Variants in TMTC1 observed in about 807,000 individuals in gnomAD.
TMTC1 encodes protein O-mannosyl-transferase TMTC1.
In TMTC1, 73 loss-of-function variants were observed where a neutral mutation model predicts 104.8. That is an observed-to-expected ratio of 0.70 (90% confidence interval 0.58 to 0.85). TMTC1 has a LOEUF of 0.85. Ranked by LOEUF, TMTC1 falls within the 40% of genes least tolerant of loss-of-function variation. The pLI is 0.00. For missense variants in TMTC1, 1,035 were observed against 1,096.1 expected (o/e 0.94, Z 0.79); for synonymous variants, 434 against 428.7 (o/e 1.01, Z -0.15).
chr12:29,553,658 AT>A (rs1244009993), intron 10 of TMTC1, among the ~76,000 whole-genome samples: 3 of 152,208 alleles, frequency 2.0e-5, no homozygotes, highest in Admixed American at 6.5e-5. Flanking sequence ...TCAAGAATTG[AT>A]TTTTACTGAA....
At chr12:29,620,574 G>C (rs1442827551) in intron 6 of TMTC1, among the ~76,000 whole-genome samples, 3 of 152,194 alleles carry the variant, frequency 2.0e-5, no homozygotes, top group Non-Finnish European at 4.4e-5. Flanking sequence ...ATGTGGGAAG[G>C]TCAGTACAAT....
intron 5 of TMTC1, among the ~76,000 whole-genome samples, chr12:29,664,691 C>A (rs565472559): frequency 6.6e-6 from 1 of 152,318 alleles, no homozygotes; most frequent in Non-Finnish European, 1.5e-5. Context: ...ATTATAATTT[C>A]TTTCTTCTAA....
chr12:29,618,694 T>C (rs1947053723), intron 6 of TMTC1, among the ~76,000 whole-genome samples: 1 of 152,126 alleles, frequency 6.6e-6, no homozygotes, highest in African/African-American at 2.4e-5. Flanking sequence ...CAGTCTCCTC[T>C]GTGTTTCCAG....
intron 5 of TMTC1, among the ~76,000 whole-genome samples, chr12:29,749,452 C>T (rs1943036362): frequency 6.6e-6 from 1 of 152,156 alleles, no homozygotes; most frequent in Non-Finnish European, 1.5e-5. Flanking sequence ...CTATGAGACA[C>T]CCTGGCATGA....
chr12:29,763,026 A>T (rs1050775954), intron 2 of TMTC1, among the ~76,000 whole-genome samples: 1 of 152,214 alleles, frequency 6.6e-6, no homozygotes. Context: ...ATCACAGCAC[A>T]ACTGATGTAG....
At chr12:29,623,557 G>A (rs778156177) in intron 6 of TMTC1, among the ~76,000 whole-genome samples, 25 of 152,234 alleles carry the variant, frequency 1.6e-4, no homozygotes, top group Non-Finnish European at 3.1e-4. Context: ...GCTCATGCCT[G>A]TAATCCCAAC....
At chr12:29,776,699 A>G (rs1943716013) in intron 1 of TMTC1, among the ~76,000 whole-genome samples, 1 of 149,944 alleles carries the variant, frequency 6.7e-6, no homozygotes, top group Non-Finnish European at 1.5e-5. Flanking sequence ...GGTAAAACTC[A>G]ACAAAGCAGG....
At chr12:29,689,542 C>T (rs528819948) in intron 5 of TMTC1, among the ~76,000 whole-genome samples, 4 of 152,192 alleles carry the variant, frequency 2.6e-5, no homozygotes, top group East Asian at 1.9e-4. Flanking sequence ...CTCGAACTCC[C>T]GACCTCGTGA....
chr12:29,627,867 G>A (rs1043914190), intron 6 of TMTC1, among the ~76,000 whole-genome samples: 2 of 152,130 alleles, frequency 1.3e-5, no homozygotes, highest in Non-Finnish European at 1.5e-5. Context: ...AGATCACTTT[G>A]ACCTTCTTGT....
At chr12:29,542,776 T>C (rs556863322) in intron 10 of TMTC1, among the ~76,000 whole-genome samples, 2 of 152,206 alleles carry the variant, frequency 1.3e-5, no homozygotes, top group Non-Finnish European at 2.9e-5. Context: ...CACTGGCTGG[T>C]TAATTTGCCC....
chr12:29,604,162 C>A lies in TMTC1; in HGVS notation c.1250+16G>T, dbSNP rs776650770. The A allele has an allele frequency of 9.3e-6, 15 of 1,612,734 alleles. No homozygotes were observed. In the South Asian group the frequency reaches 1.5e-4, roughly 17 times the overall value. On this transcript the variant is annotated intron_variant, in intron 7 of 17. Transcript: ENST00000539277. ...GAGGGCAGGTCTTGTAGGAGGAAGT[C>A]ACGTGCAATAGTTACCTAGGCATGT...
rs770695787 is a variant in TMTC1 at position 29,767,917 on chromosome 12, T to G, written c.461A>C (p.His154Pro). 1 of 1,613,796 alleles carries G rather than the reference T, an allele frequency of 6.2e-7. No homozygotes were observed. The highest frequency in any genetic ancestry group is 8.5e-7 in the Non-Finnish European group (1 of 1,179,846). Residue 154 changes from histidine (H) to proline (P), a missense_variant, in exon 2 of 18, where the codon CAT (histidine) becomes CCT (proline). His to Pro is a moderately conservative substitution (Grantham distance 77). Transcript: ENST00000539277. Reference protein sequence around the residue: ...AFVTALLFAVHPIHTEAVAGI... With the variant: ...AFVTALLFAVPPIHTEAVAGI... ...ACTTACCGCCTCAGTATGAATAGGA[T>G]GTACAGCAAAAAGCAATGCCGTTAC...
intron 6 of TMTC1, among the ~76,000 whole-genome samples, chr12:29,624,458 A>G (rs1446573045): frequency 2.0e-5 from 3 of 152,214 alleles, no homozygotes; most frequent in Non-Finnish European, 2.9e-5. Context: ...TATCACACAC[A>G]GTATCGCACA....
intron 6 of TMTC1, among the ~76,000 whole-genome samples, chr12:29,627,028 G>C (rs1374799073): frequency 6.6e-6 from 1 of 152,132 alleles, no homozygotes; most frequent in Non-Finnish European, 1.5e-5. Context: ...CTTGAGCCCG[G>C]GAGGCGGAGT....
At chr12:29,620,278 C>T (rs543577013) in intron 6 of TMTC1, among the ~76,000 whole-genome samples, 1 of 152,208 alleles carries the variant, frequency 6.6e-6, no homozygotes, top group South Asian at 2.1e-4. Context: ...TATGCAGTGG[C>T]AGAGTCTGGC....
chr12:29,602,871 A>G (rs896024129), intron 7 of TMTC1, among the ~76,000 whole-genome samples: 13 of 152,172 alleles, frequency 8.5e-5, no homozygotes, highest in Non-Finnish European at 1.6e-4. Context: ...GAGGGGCTCT[A>G]TGAATATCTA....
At chr12:29,714,189 GT>G (rs1294418681) in intron 5 of TMTC1, among the ~76,000 whole-genome samples, 1 of 152,168 alleles carries the variant, frequency 6.6e-6, no homozygotes, top group African/African-American at 2.4e-5. Flanking sequence ...TAAGACAATA[GT>G]TTGTCAGCAA....
At chr12:29,687,233 G>A (rs901488073) in intron 5 of TMTC1, among the ~76,000 whole-genome samples, 7 of 152,206 alleles carry the variant, frequency 4.6e-5, no homozygotes, top group Non-Finnish European at 8.8e-5. Context: ...TACACTTTAA[G>A]TGGTCAAGTT....
chr12:29,581,922 T>TA lies in TMTC1; in HGVS notation c.1418+1484dup, dbSNP rs1364407067. Among the ~76,000 whole-genome samples the TA allele has an allele frequency of 1.1e-3, 167 of 152,024 alleles. 1 individual carries two copies. Among genetic ancestry groups the TA allele is most frequent in the Admixed American group, 0.011 (167 of 15,250 alleles). Reference sequence around the variant, plus strand: ...GAGAATCGTGTTTAATAGAAAGGGGTATGACAGGGACTTAACAGAATCTAA... The same window carrying TA: ...GAGAATCGTGTTTAATAGAAAGGGGTAATGACAGGGACTTAACAGAATCTAA... On this transcript the variant is annotated intron_variant, in intron 8 of 17. Coordinates refer to ENST00000539277, the MANE Select transcript of TMTC1 (RefSeq NM_001193451.2).
Sources: allele counts gnomAD v4.1 joint callset (sites outside exome capture counted in the v4.1 genomes callset), GRCh38; gene constraint gnomAD v4.1.1; transcripts MANE v1.5; gene names NCBI Gene and HGNC (gene_info 2026-07-23, HGNC 2026-07-21).